ARHGEF26: variants seen among roughly 807,000 people sequenced by gnomAD.
ARHGEF26 encodes Rho guanine nucleotide exchange factor 26, also known as Rho guanine nucleotide exchange factor (GEF) 26.
A neutral mutation model predicts 89.4 loss-of-function variants in ARHGEF26; 59 were observed. The observed-to-expected ratio is 0.66, with a 90% CI of 0.54 to 0.82. The LOEUF is 0.82. ARHGEF26 is among the 40% of genes least tolerant of loss of function. The pLI is 0.00. For missense variants in ARHGEF26, 1,234 were observed against 1,085.6 expected (o/e 1.14, Z -1.92); for synonymous variants, 500 against 428.4 (o/e 1.17, Z -2.06).
rs1713941693 is a variant in ARHGEF26 at position 154,191,302 on chromosome 3, T to C, written c.1654T>C (p.Ser552Pro). 1 of 1,611,284 alleles carries C rather than the reference T, an allele frequency of 6.2e-7. No homozygotes were observed. The highest frequency in any genetic ancestry group is 1.1e-5 in the South Asian group (1 of 90,486). Residue 552 changes from serine to proline, a missense_variant, in exon 8 of 15, where the codon TCC (serine) becomes CCC (proline). Ser to Pro is a moderately conservative substitution (Grantham distance 74, BLOSUM62 -1). Transcript: ENST00000465093. ...TLQKLLATNPSFKEVLSRIES... is the reference protein window; with the variant it reads ...TLQKLLATNPPFKEVLSRIES... ...GTTTTCCCTCAGAGCTACCAATCCA[T>C]CCTTTAAGGAAGTATTGTCAAGGAT...
intron 5 of ARHGEF26, among the ~76,000 whole-genome samples, chr3:154,151,995 C>T (rs573004613): frequency 6.6e-5 from 10 of 152,252 alleles, no homozygotes; most frequent in African/African-American, 2.2e-4. Flanking sequence ...GAATTCCTTA[C>T]GCAGGGCATT....
chr3:154,200,051 C>T (rs1159040722), intron 9 of ARHGEF26, among the ~76,000 whole-genome samples: 1 of 152,042 alleles, frequency 6.6e-6, no homozygotes, highest in Non-Finnish European at 1.5e-5. Context: ...TCTGCAGAAG[C>T]CTTTTAACTT....
At position 154,196,949 on chromosome 3, in the gene ARHGEF26, T is replaced by A. The variant is rs1420898221; in HGVS notation, c.1845+2231T>A. ...AGGTACTAGTAGTTGGTTGTTGAAT[T>A]AAACCTGGAATGTTACTTAATTTTT... On this transcript the variant is annotated intron_variant, in intron 9 of 14. Coordinates refer to ENST00000465093, the MANE Select transcript of ARHGEF26 (RefSeq NM_015595.4). 2.6e-5 allele frequency among the ~76,000 whole-genome samples: 4 copies of A among 152,312 alleles called. No homozygotes were observed. The East Asian group carries it at 7.7e-4, about 29-fold the overall frequency.
intron 9 of ARHGEF26, among the ~76,000 whole-genome samples, chr3:154,194,991 G>A (rs771356616): frequency 8.5e-5 from 13 of 152,196 alleles, no homozygotes; most frequent in Non-Finnish European, 1.6e-4. Context: ...TTCAGTAAAT[G>A]TTTATTGAGT....
intron 11 of ARHGEF26, among the ~76,000 whole-genome samples, chr3:154,239,290 G>GT (rs1207867358): frequency 1.6e-5 from 1 of 62,678 alleles, no homozygotes; most frequent in African/African-American, 5.2e-5. Context: ...GAGAGAGAGA[G>GT]AGAGAGAGAG....
chr3:154,165,219 T>C (rs2108125929), intron 6 of ARHGEF26, among the ~76,000 whole-genome samples: 1 of 152,310 alleles, frequency 6.6e-6, no homozygotes, highest in Middle Eastern at 3.4e-3. Context: ...TAATCCTTTT[T>C]CTTTTTTCAG....
intron 12 of ARHGEF26, among the ~76,000 whole-genome samples, chr3:154,245,562 T>A (rs897924436): frequency 3.3e-5 from 5 of 152,196 alleles, no homozygotes; most frequent in African/African-American, 1.2e-4. Context: ...AGGGCCCATG[T>A]CAAGCCTTTC....
At chr3:154,154,998 C>T (rs1162375063) in intron 6 of ARHGEF26, among the ~76,000 whole-genome samples, 4 of 151,980 alleles carry the variant, frequency 2.6e-5, no homozygotes, top group African/African-American at 7.2e-5. Context: ...CCAAATTCTT[C>T]TTCAAAGAAA....
rs545817348 is a variant in ARHGEF26, at chr3:154,193,909, G to A, written c.1771-735G>A. On this transcript the variant is annotated intron_variant, in intron 8 of 14. Coordinates refer to ENST00000465093, the MANE Select transcript of ARHGEF26 (RefSeq NM_015595.4). ...GAGTGCAATGGTGCGATCTCGGCTC[G>A]CTGCAACCTCCACCTCCCAGGCTCA... Among the ~76,000 whole-genome samples the A allele has an allele frequency of 7.9e-5, 12 of 151,440 alleles. No individual in the cohort carries two copies. In the South Asian group the frequency reaches 1.7e-3, roughly 21 times the overall value.
At chr3:154,250,064 C>A (rs1049844512) in intron 12 of ARHGEF26, among the ~76,000 whole-genome samples, 2 of 152,010 alleles carry the variant, frequency 1.3e-5, no homozygotes, top group Non-Finnish European at 2.9e-5. Context: ...GAGTTTTGCT[C>A]TTGTCGCCTA....
chr3:154,147,410 C>CAATA (rs764803420), intron 4 of ARHGEF26, among the ~76,000 whole-genome samples: 2 of 152,038 alleles, frequency 1.3e-5, no homozygotes, highest in African/African-American at 4.8e-5. Context: ...GACTCTATCT[C>CAATA]AATAAATAAA....
intron 5 of ARHGEF26, among the ~76,000 whole-genome samples, chr3:154,151,458 A>G (rs1476335437): frequency 2.0e-5 from 3 of 152,230 alleles, no homozygotes; most frequent in Non-Finnish European, 4.4e-5. Context: ...CATCGTATAC[A>G]TCAACACCTG....
chr3:154,216,091 TTATGGCC>T (rs1715709478), intron 9 of ARHGEF26, among the ~76,000 whole-genome samples: 1 of 152,180 alleles, frequency 6.6e-6, no homozygotes. Flanking sequence ...TCAGGACCTT[TTATGGCC>T]TATTTTATTT....
At chr3:154,127,707 G>A (rs1017576918) in intron 3 of ARHGEF26, among the ~76,000 whole-genome samples, 2 of 150,118 alleles carry the variant, frequency 1.3e-5, no homozygotes, top group Admixed American at 6.7e-5. Flanking sequence ...TCATTATCAA[G>A]TATCATGAAC....
At chr3:154,152,749 C>T in intron 5 of ARHGEF26, 23 bp from the exon 6 acceptor site, 1 of 1,414,800 alleles carries the variant, frequency 7.1e-7, no homozygotes, top group Non-Finnish European at 9.3e-7. Context: ...ATTAATAATA[C>T]ATTTCTTTTT....
chr3:154,193,377 C>T (rs1440186211), intron 8 of ARHGEF26, among the ~76,000 whole-genome samples: 4 of 152,158 alleles, frequency 2.6e-5, no homozygotes, highest in African/African-American at 9.7e-5. Flanking sequence ...ATAAGAACCT[C>T]CACAGATGGT....
intron 14 of ARHGEF26, 121 bp downstream of exon 14, chr3:154,254,945 T>TCA (rs1362073841): frequency 2.4e-6 from 2 of 834,302 alleles, no homozygotes; most frequent in African/African-American, 3.4e-5. Flanking sequence ...ATGTTTGAGA[T>TCA]CACATATATG....
At position 154,256,566 on chromosome 3, in the gene ARHGEF26, A is replaced by C. The variant is rs1283041328; in HGVS notation, c.*1093A>C. On this transcript the variant is annotated 3_prime_UTR_variant, in exon 15 of 15. Coordinates refer to ENST00000465093, the MANE Select transcript of ARHGEF26 (RefSeq NM_015595.4). ...AATTAATTAAAAAAAAAAAAAAAAA[A>C]AAAAAAAAACCTTCCCAAATGAGCT... 18 of 999,770 alleles carry C rather than the reference A, an allele frequency of 1.8e-5. No homozygotes were observed. Among genetic ancestry groups the C allele is most frequent in the East Asian group, 9.2e-5 (1 of 10,902 alleles). 61.9% of individuals were successfully genotyped at this position (999,770 alleles called of 1,614,324 possible).
intron 9 of ARHGEF26, among the ~76,000 whole-genome samples, chr3:154,205,152 TTAA>T (rs1200147109): frequency 2.0e-5 from 3 of 152,166 alleles, no homozygotes; most frequent in Non-Finnish European, 4.4e-5. Context: ...TTCTTTACCT[TTAA>T]TAATATTTGC....
Sources: allele counts gnomAD v4.1 joint callset (sites outside exome capture counted in the v4.1 genomes callset), GRCh38; gene constraint gnomAD v4.1.1; transcripts MANE v1.5; gene names NCBI Gene and HGNC (gene_info 2026-07-23, HGNC 2026-07-21).